DNAH9: variants seen among roughly 807,000 people sequenced by gnomAD.
The protein encoded by DNAH9 is dynein axonemal heavy chain 9.
Under a neutral mutation model 471.6 loss-of-function variants are expected in DNAH9, and 345 were observed. That is an observed-to-expected ratio of 0.73 (90% CI 0.67 to 0.80). DNAH9 has a LOEUF of 0.80. Among genes scored for constraint, DNAH9 ranks in the 30% least tolerant of loss-of-function variants. The pLI, the probability that DNAH9 is intolerant of heterozygous loss-of-function variation, is 0.00. For missense variants in DNAH9, 5,407 were observed against 5,609.2 expected (o/e 0.96, Z 1.15); for synonymous variants, 2,093 against 2,123.6 (o/e 0.99, Z 0.40).
intron 31 of DNAH9, among the ~76,000 whole-genome samples, chr17:11,746,151 A>AG (rs1483282799): frequency 6.6e-6 from 1 of 152,198 alleles, no homozygotes; most frequent in Non-Finnish European, 1.5e-5. Context: ...TTGAGTGAGG[A>AG]GGTAGTACTA....
chr17:11,906,643 A>AAAG (rs1973611413), intron 61 of DNAH9, among the ~76,000 whole-genome samples: 2 of 148,476 alleles, frequency 1.3e-5, no homozygotes, highest in Non-Finnish European at 3.0e-5. Context: ...AAAAAAAAAA[A>AAAG]AAAGAAAATG....
intron 63 of DNAH9, among the ~76,000 whole-genome samples, chr17:11,930,398 T>C (rs1016870129): frequency 5.3e-5 from 8 of 152,128 alleles, no homozygotes; most frequent in African/African-American, 1.9e-4. Flanking sequence ...ATACATCTCA[T>C]TGATAAGATA....
Position 11,598,542 on chromosome 17 carries a change from C to G in DNAH9, c.44C>G (p.Ala15Gly). The G allele has an allele frequency of 7.1e-7, 1 of 1,408,512 alleles. No homozygotes were observed. The highest frequency in any genetic ancestry group is 9.2e-7 in the Non-Finnish European group (1 of 1,088,912). 87.3% of individuals were successfully genotyped at this position (1,408,512 alleles called of 1,614,324 possible). Residue 15 changes from alanine (A) to glycine (G), a missense_variant, in exon 1 of 69, where the codon GCG becomes GGG. Ala to Gly is a moderately conservative substitution (Grantham distance 60). This residue lies in a region of DNAH9 where 767 missense variants were observed against 692.5 expected (regional missense o/e 1.11). Coordinates refer to ENST00000262442, the MANE Select transcript of DNAH9 (RefSeq NM_001372.4). ...CGGGCCGCGCTCGCGGCGGAGAACGCGGATGGGGAACCCGGCGCCGACCGA... is the reference window on the plus strand; with the variant it reads ...CGGGCCGCGCTCGCGGCGGAGAACGGGGATGGGGAACCCGGCGCCGACCGA... ...EERAALAAEN[A>G]DGEPGADRRL...
intron 18 of DNAH9, among the ~76,000 whole-genome samples, chr17:11,680,321 AC>A (rs1288110655): frequency 1.3e-5 from 2 of 152,196 alleles, no homozygotes; most frequent in Non-Finnish European, 2.9e-5. Flanking sequence ...TAACCAAGCA[AC>A]CCTGAAGAAT....
At chr17:11,766,768 G>T (rs1206271943) in intron 36 of DNAH9, among the ~76,000 whole-genome samples, 1 of 152,118 alleles carries the variant, frequency 6.6e-6, no homozygotes, top group Non-Finnish European at 1.5e-5. Flanking sequence ...TTCAAGACCA[G>T]CCTGGACAAT....
Position 11,647,069 on chromosome 17 carries a change from C to G in DNAH9, c.1971-3C>G, listed in dbSNP as rs2073408309. ...AGGTGGCTGTTGTCTCTGACCCTTG[C>G]AGGTATGAGACAAGACTTTATGAGG... On this transcript the variant is annotated splice_region_variant and splice_polypyrimidine_tract_variant and intron_variant, in intron 11 of 68. Coordinates refer to ENST00000262442, the MANE Select transcript of DNAH9 (RefSeq NM_001372.4). 6.2e-7 allele frequency: 1 copy of G among 1,613,396 alleles called. No homozygotes were observed. Among genetic ancestry groups the G allele is most frequent in the Non-Finnish European group, 8.5e-7 (1 of 1,179,614 alleles).
At chr17:11,744,687 C>T in intron 30 of DNAH9, 110 bp from the exon 31 acceptor site, 3 of 938,102 alleles carry the variant, frequency 3.2e-6, no homozygotes, top group Non-Finnish European at 4.8e-6. Flanking sequence ...CGTCTCTGTC[C>T]AGGCTTCAGA....
chr17:11,902,683 G>GA, intron 59 of DNAH9, 36 bp from the exon 60 acceptor site: 3 of 1,588,402 alleles, frequency 1.9e-6, no homozygotes, highest in Non-Finnish European at 2.6e-6. Flanking sequence ...CAGCTTTCTG[G>GA]AGAAACTGCA....
rs3744578 is a variant in DNAH9 at position 11,745,015 on chromosome 17, C to T, written c.6330C>T (p.Asn2110=). Residue 2110 remains asparagine (N), a synonymous_variant, in exon 31 of 69, where the codon AAC becomes AAT. Transcript: ENST00000262442. Reference sequence around the variant, plus strand: ...ATGTCCCCCGGAGGAGAGACCCCAACTTCGAAGCTTTGGTTAGGAAGGCGA... The same window carrying T: ...ATGTCCCCCGGAGGAGAGACCCCAATTTCGAAGCTTTGGTTAGGAAGGCGA... ...ALDVPRRRDP[N]FEALVRKAIV... The T allele has an allele frequency of 0.79, 1,269,858 of 1,613,622 alleles. 502,233 individuals are homozygous for T. Among genetic ancestry groups the T allele is most frequent in the East Asian group, 0.92 (41,108 of 44,844 alleles).
intron 17 of DNAH9, among the ~76,000 whole-genome samples, chr17:11,677,159 ATTAT>A (rs2074062145): frequency 6.6e-6 from 1 of 152,088 alleles, no homozygotes; most frequent in Admixed American, 6.5e-5. Flanking sequence ...AAGTTTGTTA[ATTAT>A]TCTATTCAAA....
chr17:11,798,185 G>A (rs1181030757), intron 43 of DNAH9, among the ~76,000 whole-genome samples: 1 of 152,032 alleles, frequency 6.6e-6, no homozygotes, highest in East Asian at 1.9e-4. Context: ...TGTAATCCCA[G>A]CACTTTGGAG....
At chr17:11,815,072 C>G (rs1484468048) in intron 45 of DNAH9, among the ~76,000 whole-genome samples, 2 of 152,158 alleles carry the variant, frequency 1.3e-5, no homozygotes, top group Non-Finnish European at 2.9e-5. Flanking sequence ...GCCCTCAAAC[C>G]ACAGACAGTG....
intron 66 of DNAH9, among the ~76,000 whole-genome samples, chr17:11,938,788 A>G (rs577075700): frequency 9.2e-5 from 14 of 152,052 alleles, no homozygotes; most frequent in Non-Finnish European, 1.9e-4. Flanking sequence ...TTGTAGAGAC[A>G]GGGTCGCACT....
chr17:11,688,386 G>A (rs1429993781), intron 19 of DNAH9, among the ~76,000 whole-genome samples: 1 of 152,176 alleles, frequency 6.6e-6, no homozygotes, highest in Non-Finnish European at 1.5e-5. Context: ...AGGCAGAACT[G>A]GAAGATCAGG....
Position 11,784,349 on chromosome 17 carries a change from C to T in DNAH9, c.7871C>T (p.Ser2624Phe), listed in dbSNP as rs771972228. Residue 2624 changes from serine (S) to phenylalanine (F), a missense_variant, in exon 41 of 69, where the codon TCC becomes TTC. By Grantham distance (155) the Ser-to-Phe change is radical. Transcript: ENST00000262442. ...TCCTTCCCGGGGGCAGATGCCCTGT[C>T]CTCTATCTACAGCATCATCCTCACT... Reference protein sequence around the residue: ...VLSFPGADALSSIYSIILTQH... With the variant: ...VLSFPGADALFSIYSIILTQH... 5 of 1,614,080 alleles carry T rather than the reference C, an allele frequency of 3.1e-6. No homozygotes were observed. Among genetic ancestry groups the T allele is most frequent in the Non-Finnish European group, 4.2e-6 (5 of 1,180,044 alleles).
chr17:11,929,923 A>T lies in DNAH9; in HGVS notation c.11935A>T (p.Ser3979Cys). 6.2e-7 allele frequency: 1 copy of T among 1,614,100 alleles called. No individual in the cohort carries two copies. The highest frequency in any genetic ancestry group is 8.5e-7 in the Non-Finnish European group (1 of 1,179,990). The change falls in exon 63 of 69, where the codon AGT becomes TGT. Residue 3979 changes from serine (S) to cysteine (C), a missense_variant. By Grantham distance (112) the Ser-to-Cys change is moderately radical. Transcript: ENST00000262442. ...CCTGGAGAAGAAGCTGGAGGAGCAC[A>T]GTGAGAACAGCCACCCAGAGTTCAG... ...STLEKKLEEHSENSHPEFRVF... is the reference protein window; with the variant it reads ...STLEKKLEEHCENSHPEFRVF...
At chr17:11,852,895 GTATA>G (rs1157523709) in intron 49 of DNAH9, among the ~76,000 whole-genome samples, 1 of 135,838 alleles carries the variant, frequency 7.4e-6, no homozygotes, top group African/African-American at 2.7e-5. Flanking sequence ...AGTAGGATGT[GTATA>G]TATATATATA....
intron 49 of DNAH9, 58 bp from the exon 50 acceptor site, chr17:11,853,945 G>T: frequency 6.5e-7 from 1 of 1,529,370 alleles, no homozygotes; most frequent in Non-Finnish European, 8.9e-7. Context: ...TCCATCAGTG[G>T]CAGAGGACAA....
chr17:11,763,632 G>A lies in DNAH9; in HGVS notation c.7170+18G>A. On this transcript the variant is annotated intron_variant, in intron 36 of 68. Coordinates refer to ENST00000262442, the MANE Select transcript of DNAH9 (RefSeq NM_001372.4). Reference sequence around the variant, plus strand: ...AAGATCAGGTAAGGAGATATGTTGAGCTCAACAACCACACTGAAGTCTGTA... The same window carrying A: ...AAGATCAGGTAAGGAGATATGTTGAACTCAACAACCACACTGAAGTCTGTA... The A allele has an allele frequency of 1.2e-6, 2 of 1,611,136 alleles. No homozygotes were observed. The highest frequency in any genetic ancestry group is 2.2e-5 in the South Asian group (2 of 90,634).
Sources: gnomAD v4.1 joint callset for allele counts (sites outside exome capture counted in the v4.1 genomes callset) on GRCh38, gnomAD v4.1.1 for gene constraint, gnomAD v4.1.1 regional missense constraint, MANE v1.5 for transcripts, NCBI Gene and HGNC (gene_info 2026-07-23, HGNC 2026-07-21) for gene names.